The following DPP6 variants were observed in gnomAD, a reference collection of about 807,000 sequenced individuals.
DPP6 encodes the protein A-type potassium channel modulatory protein DPP6.
A neutral mutation model predicts 122.6 loss-of-function variants in DPP6; 69 were observed. The observed-to-expected ratio is 0.56, with a 90% CI of 0.46 to 0.69. The LOEUF (loss-of-function observed/expected upper bound fraction) is 0.69. DPP6 is among the 30% of genes least tolerant of loss of function. The pLI, the probability that DPP6 is intolerant of heterozygous loss-of-function variation, is 0.00. For synonymous variants in DPP6, 418 were observed against 433.1 expected (o/e 0.97, Z 0.43); for missense variants, 928 against 1,116.9 (o/e 0.83, Z 2.41).
chr7:154,710,689 G>C (rs553995933), intron 7 of DPP6, among the ~76,000 whole-genome samples: 6 of 152,322 alleles, frequency 3.9e-5, no homozygotes, highest in South Asian at 2.1e-4. Context: ...CTTTCAGCAG[G>C]GTCTTCTAAA....
chr7:154,435,136 T>C (rs1052655642), intron 1 of DPP6, among the ~76,000 whole-genome samples: 3 of 152,128 alleles, frequency 2.0e-5, no homozygotes, highest in Middle Eastern at 3.2e-3. Context: ...CATTCCTGGC[T>C]GAGAATTTCA....
At chr7:154,157,662 G>A (rs1585512862) in intron 1 of DPP6, among the ~76,000 whole-genome samples, 1 of 152,184 alleles carries the variant, frequency 6.6e-6, no homozygotes. Context: ...GGCTGGGTAC[G>A]GTGGCTCATG....
At chr7:153,801,794 G>A in the DPP6 span, among the ~76,000 whole-genome samples, 1 of 152,148 alleles carries the variant, frequency 6.6e-6, no homozygotes, top group African/African-American at 2.4e-5. Flanking sequence ...AATTCAGAGA[G>A]CCCTTGAGGC....
chr7:154,232,977 T>C (rs1801001663), intron 1 of DPP6, among the ~76,000 whole-genome samples: 1 of 152,228 alleles, frequency 6.6e-6, no homozygotes, highest in Admixed American at 6.5e-5. Context: ...TATCACAGAT[T>C]ACAGATTTCC....
Position 154,603,300 on chromosome 7 carries a change from G to A in DPP6, c.628-34521G>A, listed in dbSNP as rs1833474969. ...TTCCATTCAGCCATGATTTCTTCAT[G>A]TGTTTCTTCTGTCCCATCCTCTCTT... On this transcript the variant is annotated intron_variant, in intron 5 of 25. Coordinates refer to ENST00000377770, the MANE Select transcript of DPP6 (RefSeq NM_130797.4). Among the ~76,000 whole-genome samples the A allele has an allele frequency of 1.7e-5, 2 of 119,544 alleles. 1 individual carries two copies. Among genetic ancestry groups the A allele is most frequent in the Non-Finnish European group, 3.8e-5 (2 of 53,268 alleles). 78.4% of individuals were successfully genotyped at this position (119,544 alleles called of 152,430 possible).
chr7:153,943,462 T>C (rs560016669), intron 1 of DPP6, among the ~76,000 whole-genome samples: 61 of 152,320 alleles, frequency 4.0e-4, no homozygotes, highest in Admixed American at 2.4e-3. Context: ...TAGAGCCCTC[T>C]TTTTTGTCCT....
At chr7:154,214,540 C>G (rs1335550025) in intron 1 of DPP6, among the ~76,000 whole-genome samples, 1 of 152,240 alleles carries the variant, frequency 6.6e-6, no homozygotes, top group Non-Finnish European at 1.5e-5. Flanking sequence ...CGCCACCTTG[C>G]CTGCCTACTT....
chr7:154,374,919 T>C (rs1408224300), intron 1 of DPP6, among the ~76,000 whole-genome samples: 1 of 152,202 alleles, frequency 6.6e-6, no homozygotes, highest in East Asian at 1.9e-4. Context: ...GCCGACATTA[T>C]AGTTTTAATT....
At chr7:154,542,651 G>A (rs938234755) in intron 4 of DPP6, among the ~76,000 whole-genome samples, 3 of 152,106 alleles carry the variant, frequency 2.0e-5, no homozygotes, top group Admixed American at 6.5e-5. Context: ...TCTATATAAT[G>A]CAATCTTTTT....
chr7:154,117,615 G>A (rs73481374), intron 1 of DPP6, among the ~76,000 whole-genome samples: 6,106 of 152,270 alleles, frequency 0.04, 392 homozygotes, highest in African/African-American at 0.14. Flanking sequence ...GAACCTGCCA[G>A]CTCGCCACAA....
chr7:154,816,167 G>A (rs538216212), intron 16 of DPP6, among the ~76,000 whole-genome samples: 35 of 152,198 alleles, frequency 2.3e-4, no homozygotes, highest in East Asian at 2.1e-3. Flanking sequence ...CCTGAAAATC[G>A]GAGGAATAAC....
intron 10 of DPP6, among the ~76,000 whole-genome samples, chr7:154,788,201 T>G (rs763964300): frequency 3.9e-5 from 6 of 152,144 alleles, no homozygotes; most frequent in Non-Finnish European, 8.8e-5. Flanking sequence ...CCCAGCACTT[T>G]GGGAGGCTGA....
At chr7:154,715,440 C>G (rs117562486) in intron 7 of DPP6, among the ~76,000 whole-genome samples, 8,422 of 152,268 alleles carry the variant, frequency 0.055, 361 homozygotes, top group Admixed American at 0.13. Context: ...TTTCAATATA[C>G]TTTTCAGACA....
intron 1 of DPP6, among the ~76,000 whole-genome samples, chr7:153,920,561 C>CTATTTTTTTTT (rs1489811189): frequency 1.6e-5 from 1 of 62,456 alleles, no homozygotes; most frequent in Non-Finnish European, 2.9e-5. Context: ...TTTTATCTCT[C>CTATTTTTTTTT]TCTTTTTTTT....
intron 22 of DPP6, 114 bp downstream of exon 22, chr7:154,885,858 C>T (rs1168674696): frequency 2.1e-6 from 3 of 1,408,976 alleles, no homozygotes; most frequent in Admixed American, 4.2e-5. Flanking sequence ...ACCACAGGTG[C>T]CTCCAGGCCA....
chr7:154,128,976 T>C (rs1808160636), intron 1 of DPP6, among the ~76,000 whole-genome samples: 1 of 151,954 alleles, frequency 6.6e-6, no homozygotes, highest in African/African-American at 2.4e-5. Flanking sequence ...GAATGGTGAG[T>C]ACTGTCAGTT....
chr7:154,034,430 C>T (rs1005025797), intron 1 of DPP6, among the ~76,000 whole-genome samples: 1 of 152,130 alleles, frequency 6.6e-6, no homozygotes, highest in African/African-American at 2.4e-5. Context: ...TGCCTTTATC[C>T]CCCCTCTGCA....
chr7:154,222,388 G>T (rs1800354197), intron 1 of DPP6, among the ~76,000 whole-genome samples: 1 of 152,100 alleles, frequency 6.6e-6, no homozygotes, highest in South Asian at 2.1e-4. Flanking sequence ...AGGCGCAGTG[G>T]CTCACGCCTG....
At chr7:154,448,598 C>A (rs1261818867) in intron 2 of DPP6, among the ~76,000 whole-genome samples, 1 of 152,040 alleles carries the variant, frequency 6.6e-6, no homozygotes, top group Non-Finnish European at 1.5e-5. Flanking sequence ...TATGAAAATG[C>A]AAAGGACTCA....
Sources: gnomAD v4.1 joint callset for allele counts (sites outside exome capture counted in the v4.1 genomes callset) on GRCh38, gnomAD v4.1.1 for gene constraint, MANE v1.5 for transcripts, NCBI Gene and HGNC (gene_info 2026-07-23, HGNC 2026-07-21) for gene names.